KCNH1: variants seen among roughly 807,000 people sequenced by gnomAD.
The protein encoded by KCNH1 is potassium voltage-gated channel subfamily H member 1.
In KCNH1, 27 loss-of-function variants were observed where a neutral mutation model predicts 69.2. The ratio of observed to expected loss-of-function variants is 0.39; its 90% CI spans 0.29 to 0.54. The LOEUF is 0.54. KCNH1 is among the 20% of genes least tolerant of loss of function. The pLI, the probability that KCNH1 is intolerant of heterozygous loss-of-function variation, is 0.68. For missense variants in KCNH1, 798 were observed against 1,261.6 expected (o/e 0.63, Z 5.57); for synonymous variants, 456 against 487.7 (o/e 0.93, Z 0.86).
intron 7 of KCNH1, among the ~76,000 whole-genome samples, chr1:210,884,081 A>C (rs1281452715): frequency 6.6e-6 from 1 of 152,196 alleles, no homozygotes; most frequent in Non-Finnish European, 1.5e-5. Context: ...GCACAGAAAA[A>C]GAACTAGGGA....
chr1:210,919,495 T>A lies in KCNH1; in HGVS notation c.1462+145A>T. Reference sequence around the variant, plus strand: ...CAGTAAGCATATACTGCTTTAATTATCAGGGTAACTGTAAGCCTAGTCTTA... The same window carrying A: ...CAGTAAGCATATACTGCTTTAATTAACAGGGTAACTGTAAGCCTAGTCTTA... On this transcript the variant is annotated intron_variant, in intron 7 of 10. Transcript: ENST00000271751. This position sits in a 1 kb window ranked among gnomAD's most constrained non-coding sequence, Gnocchi z 4.2. The A allele has an allele frequency of 1.3e-6, 1 of 799,120 alleles. No homozygotes were observed. Among genetic ancestry groups the A allele is most frequent in the East Asian group, 2.5e-5 (1 of 40,798 alleles). 49.5% of individuals were successfully genotyped at this position (799,120 alleles called of 1,614,324 possible). A position where few individuals can be genotyped will look rare whatever the true frequency, so the allele number is the denominator to read the frequency against.
intron 6 of KCNH1, among the ~76,000 whole-genome samples, chr1:210,968,884 TCCC>T (rs1018911947): frequency 3.9e-5 from 6 of 152,128 alleles, no homozygotes; most frequent in African/African-American, 1.2e-4. Context: ...TCTTAAAATA[TCCC>T]CCCATTACAA....
intron 7 of KCNH1, chr1:210,859,289 T>C: frequency 6.3e-7 from 1 of 1,576,816 alleles, no homozygotes; most frequent in Non-Finnish European, 8.7e-7. Context: ...TGCTCTTCTT[T>C]GATTGGCCAG....
At chr1:210,810,873 G>T (rs1192066748) in intron 7 of KCNH1, among the ~76,000 whole-genome samples, 2 of 152,040 alleles carry the variant, frequency 1.3e-5, no homozygotes, top group East Asian at 3.9e-4. Context: ...TTTAAGAGTG[G>T]GGCCCTAGAA....
chr1:210,855,119 G>A (rs1490116939), intron 7 of KCNH1, among the ~76,000 whole-genome samples: 1 of 152,114 alleles, frequency 6.6e-6, no homozygotes, highest in African/African-American at 2.4e-5. Context: ...CCTCCCAAGA[G>A]CATCAGCTAA....
intron 7 of KCNH1, among the ~76,000 whole-genome samples, chr1:210,889,608 T>A (rs1250567688): frequency 2.0e-5 from 3 of 152,182 alleles, no homozygotes; most frequent in Non-Finnish European, 4.4e-5. Context: ...AGAGAGGAAG[T>A]CAAATTGTCT....
chr1:210,882,963 T>A (rs1157451981), intron 7 of KCNH1, among the ~76,000 whole-genome samples: 1 of 152,124 alleles, frequency 6.6e-6, no homozygotes, highest in East Asian at 1.9e-4. Context: ...GACTGTGAAG[T>A]ATGCAGCCAC....
intron 10 of KCNH1, among the ~76,000 whole-genome samples, chr1:210,705,736 C>T (rs1480319494): frequency 6.6e-6 from 1 of 152,104 alleles, no homozygotes; most frequent in Non-Finnish European, 1.5e-5. Context: ...AGCATTTCCC[C>T]CATGCTCTGT....
At chr1:210,733,419 A>G (rs571921475) in intron 10 of KCNH1, among the ~76,000 whole-genome samples, 105 of 152,344 alleles carry the variant, frequency 6.9e-4, no homozygotes, top group African/African-American at 2.4e-3. Flanking sequence ...CTAAGCCCCC[A>G]GGAACCCCCT....
rs1691301041 is a variant in KCNH1 at position 211,103,607 on chromosome 1, A to G, written c.204-5T>C. 3.8e-6 allele frequency: 6 copies of G among 1,583,286 alleles called. No homozygotes were observed. Among genetic ancestry groups the G allele is most frequent in the African/African-American group, 1.3e-5 (1 of 74,122 alleles). The stretch of plus-strand genomic sequence containing the variant: ...GTCAGCTCCCCATACATAAAACTGC[A>G]AACAACCAAAGAACTCAAGTTAGAT... On this transcript the variant is annotated splice_region_variant and splice_polypyrimidine_tract_variant and intron_variant, in intron 2 of 10. Transcript: ENST00000271751.
At chr1:210,714,407 CT>C (rs1162275302) in intron 10 of KCNH1, among the ~76,000 whole-genome samples, 1 of 151,942 alleles carries the variant, frequency 6.6e-6, no homozygotes, top group African/African-American at 2.4e-5. Flanking sequence ...TGTTTTTTGC[CT>C]TTACCTGGGG....
intron 10 of KCNH1, among the ~76,000 whole-genome samples, chr1:210,723,333 C>A (rs1682516249): frequency 7.1e-6 from 1 of 141,486 alleles, no homozygotes; most frequent in Non-Finnish European, 1.5e-5. Flanking sequence ...CCATGGTCAC[C>A]ATGAAGGTCA....
At chr1:210,970,913 T>C (rs1457896139) in intron 6 of KCNH1, among the ~76,000 whole-genome samples, 1 of 152,056 alleles carries the variant, frequency 6.6e-6, no homozygotes, top group African/African-American at 2.4e-5. Context: ...ATATCCAGAA[T>C]TTACAAGGAA....
At chr1:210,887,076 AC>A in intron 7 of KCNH1, among the ~76,000 whole-genome samples, 1 of 152,264 alleles carries the variant, frequency 6.6e-6, no homozygotes, top group Admixed American at 6.5e-5. Context: ...AAGAAGAGCA[AC>A]CCCAAGACAC....
chr1:210,857,463 G>T (rs1190960208), intron 7 of KCNH1, among the ~76,000 whole-genome samples: 1 of 152,008 alleles, frequency 6.6e-6, no homozygotes, highest in Non-Finnish European at 1.5e-5. Context: ...TGGGGGTGGG[G>T]GTGAGGGGGA....
intron 7 of KCNH1, among the ~76,000 whole-genome samples, chr1:210,914,592 G>A (rs559739715): frequency 2.0e-5 from 3 of 152,060 alleles, no homozygotes; most frequent in African/African-American, 7.2e-5. Flanking sequence ...AGGCAAGAAG[G>A]CAATAGAAGG....
chr1:210,719,053 T>C (rs1261458701), intron 10 of KCNH1, among the ~76,000 whole-genome samples: 1 of 152,220 alleles, frequency 6.6e-6, no homozygotes, highest in Non-Finnish European at 1.5e-5. Flanking sequence ...ACAACTGCAT[T>C]GTCCAGTATG....
intron 3 of KCNH1, among the ~76,000 whole-genome samples, chr1:211,095,790 T>A (rs1691137426): frequency 6.6e-6 from 1 of 152,190 alleles, no homozygotes; most frequent in South Asian, 2.1e-4. Flanking sequence ...GGGTCAACTT[T>A]ATGGAGATGA....
At chr1:211,072,015 C>G (rs1211290191) in intron 5 of KCNH1, among the ~76,000 whole-genome samples, 2 of 152,164 alleles carry the variant, frequency 1.3e-5, no homozygotes, top group African/African-American at 4.8e-5. Flanking sequence ...GTGGCTCACA[C>G]CTGTAATCCC....
Sources: gnomAD v4.1 joint callset for allele counts (sites outside exome capture counted in the v4.1 genomes callset) on GRCh38, gnomAD v4.1.1 for gene constraint, Gnocchi (gnomAD v3.1) non-coding constraint, MANE v1.5 for transcripts, NCBI Gene and HGNC (gene_info 2026-07-23, HGNC 2026-07-21) for gene names.